Variants in CAPS2 observed in about 807,000 individuals in gnomAD.
CAPS2 encodes the protein calcyphosine 2.
Under a neutral mutation model 86.5 loss-of-function variants are expected in CAPS2, and 98 were observed. The ratio of observed to expected loss-of-function variants is 1.13; its 90% confidence interval spans 0.96 to 1.34. The LOEUF (loss-of-function observed/expected upper bound fraction) is 1.34. CAPS2 is among the 40% of genes most tolerant of loss of function. The pLI, the probability that CAPS2 is intolerant of heterozygous loss-of-function variation, is 0.00. For missense variants in CAPS2, 729 were observed against 686.8 expected, an observed-to-expected ratio of 1.06 and a Z score of -0.69; for synonymous variants, 210 against 225.1, an observed-to-expected ratio of 0.93 and a Z score of 0.60.
At chr12:75,295,858 C>T (rs969385178) in intron 11 of CAPS2, among the ~76,000 whole-genome samples, 1 of 151,906 alleles carries the variant, frequency 6.6e-6, no homozygotes, top group African/African-American at 2.4e-5. Context: ...GAATAACACC[C>T]AGAAATTAGG....
chr12:75,282,220 A>T (rs2034082292), intron 16 of CAPS2, 31 bp downstream of exon 16: 1 of 1,110,138 alleles, frequency 9.0e-7, no homozygotes. Context: ...ACATTTTCAA[A>T]GTCCAATGCA....
upstream of CAPS2, among the ~76,000 whole-genome samples, chr12:75,328,220 G>C (rs992020115): frequency 2.0e-5 from 3 of 152,036 alleles, no homozygotes; most frequent in African/African-American, 7.2e-5. Context: ...TATTGTATTC[G>C]CGATGATGAT....
At chr12:75,380,686 A>T (rs1242258150) in intron 1 of CAPS2, among the ~76,000 whole-genome samples, 1 of 152,216 alleles carries the variant, frequency 6.6e-6, no homozygotes. Context: ...AATACCTAAC[A>T]GTAGGTATTA....
intron 7 of CAPS2, among the ~76,000 whole-genome samples, chr12:75,308,021 T>C (rs2038711268): frequency 6.6e-6 from 1 of 152,140 alleles, no homozygotes; most frequent in African/African-American, 2.4e-5. Context: ...AACCACCCCC[T>C]TTTCCTGTGT....
At chr12:75,385,813 T>C (rs149111007) in intron 1 of CAPS2, among the ~76,000 whole-genome samples, 32 of 152,306 alleles carry the variant, frequency 2.1e-4, no homozygotes, top group Non-Finnish European at 4.0e-4. Flanking sequence ...ATACTAGCCA[T>C]GAACAAGTAG....
At chr12:75,292,454 T>C (rs2036140692) in intron 12 of CAPS2, among the ~76,000 whole-genome samples, 1 of 151,744 alleles carries the variant, frequency 6.6e-6, no homozygotes, top group Non-Finnish European at 1.5e-5. Context: ...AAGCATAAAA[T>C]GAAAAACTAT....
At chr12:75,302,098 G>C (rs1447055175) in intron 8 of CAPS2, among the ~76,000 whole-genome samples, 2 of 152,160 alleles carry the variant, frequency 1.3e-5, no homozygotes, top group Non-Finnish European at 2.9e-5. Context: ...AAACAAAGGG[G>C]AGAGGAAGGG....
chr12:75,353,031 C>T (rs1188522666), intron 1 of CAPS2, among the ~76,000 whole-genome samples: 1 of 152,092 alleles, frequency 6.6e-6, no homozygotes, highest in Non-Finnish European at 1.5e-5. Flanking sequence ...TAAATGCTCA[C>T]ATCAAAAAGC....
intron 1 of CAPS2, chr12:75,390,504 C>A: frequency 2.5e-6 from 1 of 402,498 alleles, no homozygotes. Flanking sequence ...AAAAAAATCT[C>A]ATCAATTAAG....
intron 1 of CAPS2, among the ~76,000 whole-genome samples, chr12:75,350,449 G>A (rs746196940): frequency 5.3e-4 from 81 of 152,178 alleles, no homozygotes; most frequent in Non-Finnish European, 2.6e-4. Flanking sequence ...ATTCTGGCGG[G>A]CATCAGGTCA....
intron 13 of CAPS2, 43 bp from the exon 14 acceptor site, chr12:75,289,818 A>C: frequency 7.1e-7 from 1 of 1,405,792 alleles, no homozygotes; most frequent in Non-Finnish European, 9.9e-7. Context: ...GTTCCTATGC[A>C]TAAATGTATA....
intron 1 of CAPS2, among the ~76,000 whole-genome samples, chr12:75,338,184 C>CA: frequency 6.6e-6 from 1 of 151,998 alleles, no homozygotes; most frequent in East Asian, 1.9e-4. Context: ...AATATAGATG[C>CA]AAAAAATCTT....
At chr12:75,311,951 G>T (rs79640615) in intron 7 of CAPS2, among the ~76,000 whole-genome samples, 5,695 of 152,014 alleles carry the variant, frequency 0.037, 125 homozygotes, top group East Asian at 0.051. Flanking sequence ...TTATTTCAAA[G>T]AATTTACTGA....
At chr12:75,370,074 G>A in intron 1 of CAPS2, 1 of 1,565,276 alleles carries the variant, frequency 6.4e-7, no homozygotes, top group Non-Finnish European at 8.8e-7. Context: ...TTTTGTTTTT[G>A]TTTTTGACAG....
At chr12:75,346,018 C>A (rs947217618) in intron 1 of CAPS2, among the ~76,000 whole-genome samples, 3 of 152,158 alleles carry the variant, frequency 2.0e-5, no homozygotes, top group African/African-American at 7.2e-5. Context: ...TTTTCTTGCA[C>A]TTATCACCTA....
chr12:75,374,106 G>C (rs1335129821), intron 1 of CAPS2, among the ~76,000 whole-genome samples: 1 of 152,194 alleles, frequency 6.6e-6, no homozygotes, highest in Non-Finnish European at 1.5e-5. Context: ...GGTCTCTACT[G>C]TGATTCACCT....
chr12:75,316,395 T>G, exon 6 of CAPS2: 1 of 1,550,914 alleles, frequency 6.4e-7, no homozygotes, highest in Non-Finnish European at 8.7e-7. Flanking sequence ...CTATCCAGAG[T>G]CGTAAGGTCA....
intron 1 of CAPS2, among the ~76,000 whole-genome samples, chr12:75,385,411 T>C (rs1300334207): frequency 6.6e-6 from 1 of 152,030 alleles, no homozygotes; most frequent in Non-Finnish European, 1.5e-5. Context: ...GAACTCATAA[T>C]AAAAATTCTC....
exon 17 of CAPS2, chr12:75,277,836 T>C: frequency 1.1e-6 from 1 of 904,210 alleles, no homozygotes; most frequent in Non-Finnish European, 1.3e-6. Context: ...GTTGTCTCTT[T>C]TCTCTGTATT....
Sources: gnomAD v4.1 joint callset for allele counts (sites outside exome capture counted in the v4.1 genomes callset) on GRCh38, gnomAD v4.1.1 for gene constraint, MANE v1.5 for transcripts, NCBI Gene and HGNC (gene_info 2026-07-23, HGNC 2026-07-21) for gene names.